PCBP3: variants seen among roughly 807,000 people sequenced by gnomAD.
The protein encoded by PCBP3 is poly(rC)-binding protein 3.
In PCBP3, 25 loss-of-function variants were observed where a neutral mutation model predicts 52.7. That is an observed-to-expected ratio of 0.47 (90% CI 0.35 to 0.66). PCBP3 has a LOEUF of 0.66. Among genes scored for constraint, PCBP3 ranks in the 30% least tolerant of loss-of-function variants. The probability of loss-of-function intolerance (pLI) is 0.01; values close to 1 mark genes in which losing one functional copy is unlikely to be tolerated. For synonymous variants in PCBP3, 162 were observed against 183.0 expected (o/e 0.89, Z 0.93); for missense variants, 391 against 490.3 (o/e 0.80, Z 1.91).
chr21:45,900,642 C>T lies in PCBP3; in HGVS notation c.222+19C>T, dbSNP rs1243099677. On this transcript the variant is annotated intron_variant, in intron 8 of 17. Coordinates refer to ENST00000681687, the MANE Select transcript of PCBP3 (RefSeq NM_001384156.1). The stretch of plus-strand genomic sequence containing the variant: ...TGAGGAGGTGAGTGTGGTGGGTCCC[C>T]ACCTGTCCGCAGCCATTCCCGGGTG... The T allele has an allele frequency of 1.9e-6, 3 of 1,559,930 alleles. No homozygotes were observed. Among genetic ancestry groups the T allele is most frequent in the Middle Eastern group, 1.7e-4 (1 of 5,776 alleles).
Position 45,940,079 on chromosome 21 carries a change from G to T in PCBP3, c.959G>T (p.Arg320Leu). 1 of 1,614,120 alleles carries T rather than the reference G, an allele frequency of 6.2e-7. No homozygotes were observed. Among genetic ancestry groups the T allele is most frequent in the Non-Finnish European group, 8.5e-7 (1 of 1,179,982 alleles). ...GRQGTKINEI[R>L]QMSGAQIKIA... ...CAAGGGACCAAAATCAATGAAATTC[G>T]ACAGATGTCTGGAGCTCAGATCAAA... is the stretch of plus-strand genomic sequence containing the variant. Residue 320 changes from arginine to leucine, a missense_variant, in exon 17 of 18, where the codon CGA becomes CTA. By Grantham distance (102) the Arg-to-Leu change is moderately radical (BLOSUM62 -2). Transcript: ENST00000681687.
chr21:45,761,974 C>T (rs1362586645), intron 4 of PCBP3: 2 of 152,298 alleles, frequency 1.3e-5, no homozygotes, highest in Non-Finnish European at 2.9e-5. Flanking sequence ...TCATTCCTGA[C>T]ACAGGCTCGT....
chr21:45,903,258 C>T (rs745938375), intron 9 of PCBP3, among the ~76,000 whole-genome samples: 2 of 152,092 alleles, frequency 1.3e-5, no homozygotes, highest in Admixed American at 6.5e-5. Flanking sequence ...TTTAGTTTCT[C>T]CCTCGTGGCC....
intron 5 of PCBP3, among the ~76,000 whole-genome samples, chr21:45,892,715 C>T (rs887220086): frequency 2.6e-5 from 4 of 152,218 alleles, no homozygotes; most frequent in East Asian, 1.9e-4. Flanking sequence ...CTGTGTCCTC[C>T]GTGAGGAGAT....
chr21:45,734,937 GT>G (rs2085749695), intron 2 of PCBP3, among the ~76,000 whole-genome samples: 1 of 152,220 alleles, frequency 6.6e-6, no homozygotes, highest in Non-Finnish European at 1.5e-5. Context: ...TGCTAATTCA[GT>G]CTGCACAGGG....
intron 5 of PCBP3, among the ~76,000 whole-genome samples, chr21:45,895,710 T>C (rs2095806722): frequency 6.6e-6 from 1 of 152,178 alleles, no homozygotes; most frequent in East Asian, 1.9e-4. Flanking sequence ...GACTAAGTCA[T>C]ATGAGAGCAT....
In PCBP3 at chr21:45,736,167, C is replaced by G. The variant is rs1298852778; in HGVS notation, c.-162+738C>G. Among the ~76,000 whole-genome samples the G allele has an allele frequency of 6.6e-6, 1 of 152,206 alleles. No homozygotes were observed. Among genetic ancestry groups the G allele is most frequent in the Non-Finnish European group, 1.5e-5 (1 of 68,050 alleles). On this transcript the variant is annotated intron_variant, in intron 3 of 17. Coordinates refer to ENST00000681687, the MANE Select transcript of PCBP3 (RefSeq NM_001384156.1). The surrounding 1 kb of genome is among the most constrained non-coding windows in gnomAD (Gnocchi z 4.6). ...GCTGATGCTGATGAAGTAGTACCAG[C>G]CAGCCTGATTTCATAACTTCCATAG... is the stretch of plus-strand genomic sequence containing the variant.
Position 45,930,069 on chromosome 21 carries a change from G to A in PCBP3, c.796+74G>A, listed in dbSNP as rs750514549. 1.9e-5 allele frequency: 21 copies of A among 1,093,158 alleles called. No homozygotes were observed. In the East Asian group the frequency reaches 2.6e-4, roughly 14 times the overall value. The allele number at this position is 1,093,158 out of a possible 1,614,324, so 67.7% of individuals were successfully genotyped here. A position where few individuals can be genotyped will look rare whatever the true frequency, so the allele number is the denominator to read the frequency against. On this transcript the variant is annotated intron_variant, in intron 14 of 17. Coordinates refer to ENST00000681687, the MANE Select transcript of PCBP3 (RefSeq NM_001384156.1). ...TTTCTCTTTCTGAGCTGTGTTATTC[G>A]GTGCAGTGCATAGAACAGGTGCAGT... is the stretch of plus-strand genomic sequence containing the variant.
chr21:45,905,426 G>A (rs1296908851), intron 9 of PCBP3, among the ~76,000 whole-genome samples: 2 of 152,274 alleles, frequency 1.3e-5, no homozygotes, highest in African/African-American at 2.4e-5. Flanking sequence ...GCTGGCAAGT[G>A]TGATGAGTTC....
intron 2 of PCBP3, among the ~76,000 whole-genome samples, chr21:45,732,252 C>T (rs958313071): frequency 6.6e-6 from 1 of 152,082 alleles, no homozygotes; most frequent in Non-Finnish European, 1.5e-5. Flanking sequence ...TTCACCCTGT[C>T]TGTGCTTGTC....
In PCBP3 at chr21:45,821,372, A is replaced by C. The variant is rs2093130993; in HGVS notation, c.-125-28589A>C. Among the ~76,000 whole-genome samples, 2 of 148,742 alleles carry C rather than the reference A, an allele frequency of 1.3e-5. No individual in the cohort carries two copies. Among genetic ancestry groups the C allele is most frequent in the East Asian group, 2.0e-4 (1 of 4,934 alleles). The stretch of plus-strand genomic sequence containing the variant: ...CTGAGGTCCAGTACCCCCCTGCACC[A>C]CGCTGTGGGCCCCGCACCCTCCCCC... On this transcript the variant is annotated intron_variant, in intron 4 of 17. Coordinates refer to ENST00000681687, the MANE Select transcript of PCBP3 (RefSeq NM_001384156.1). This position sits in a 1 kb window ranked among gnomAD's most constrained non-coding sequence, Gnocchi z 4.4.
At chr21:45,755,381 G>C (rs762334856) in intron 3 of PCBP3, among the ~76,000 whole-genome samples, 36 bp from the exon 4 acceptor site, 5 of 152,022 alleles carry the variant, frequency 3.3e-5, no homozygotes, top group Non-Finnish European at 7.4e-5. Context: ...TTCTTGTACC[G>C]GTCTTTATGT....
chr21:45,813,265 C>T (rs760449058), intron 4 of PCBP3, among the ~76,000 whole-genome samples: 1 of 152,122 alleles, frequency 6.6e-6, no homozygotes, highest in East Asian at 1.9e-4. Context: ...ATCTGTAGTT[C>T]CCTGGTTGCT....
intron 1 of PCBP3, among the ~76,000 whole-genome samples, chr21:45,654,794 C>T (rs1409586663): frequency 6.6e-6 from 1 of 152,114 alleles, no homozygotes; most frequent in Non-Finnish European, 1.5e-5. Context: ...TTTTCAAGGT[C>T]ATGCAACTGT....
intron 2 of PCBP3, among the ~76,000 whole-genome samples, chr21:45,710,566 A>G (rs1603301019): frequency 6.6e-6 from 1 of 152,198 alleles, no homozygotes; most frequent in Non-Finnish European, 1.5e-5. Context: ...TGTTGGACAC[A>G]TGCTGCTATA....
intron 4 of PCBP3, among the ~76,000 whole-genome samples, chr21:45,816,064 GATGA>G (rs1264826304): frequency 2.0e-5 from 2 of 100,836 alleles, no homozygotes; most frequent in Admixed American, 9.4e-5. Context: ...GTGAGTGAGT[GATGA>G]GTGAGTGGTG....
chr21:45,651,606 A>T (rs867475539), intron 1 of PCBP3, among the ~76,000 whole-genome samples: 3 of 152,342 alleles, frequency 2.0e-5, no homozygotes, highest in Middle Eastern at 6.8e-3. Flanking sequence ...TACTATTCCA[A>T]AGAGTGTCCC....
chr21:45,803,829 G>A (rs750303187), intron 4 of PCBP3, among the ~76,000 whole-genome samples: 9 of 152,190 alleles, frequency 5.9e-5, no homozygotes, highest in South Asian at 4.1e-4. Flanking sequence ...GTCAGGCCTC[G>A]GGAGGTGACC....
chr21:45,750,402 C>CCG (rs2087344023), intron 3 of PCBP3: 1 of 130,616 alleles, frequency 7.7e-6, no homozygotes, highest in Non-Finnish European at 1.7e-5. Context: ...CAGACCCCCC[C>CCG]CCCCCCCCCT....
Sources: gnomAD v4.1 joint callset for allele counts (sites outside exome capture counted in the v4.1 genomes callset) on GRCh38, gnomAD v4.1.1 for gene constraint, Gnocchi (gnomAD v3.1) non-coding constraint, MANE v1.5 for transcripts, NCBI Gene and HGNC (gene_info 2026-07-23, HGNC 2026-07-21) for gene names.